NKAIN2: variants seen among roughly 807,000 people sequenced by gnomAD.
NKAIN2 encodes sodium/potassium transporting ATPase interacting 2.
A neutral mutation model predicts 32.6 loss-of-function variants in NKAIN2; 14 were observed. That is an observed-to-expected ratio of 0.43 (90% CI 0.28 to 0.67). The LOEUF is 0.67. Ranked by LOEUF, NKAIN2 falls within the 30% of genes least tolerant of loss-of-function variation. The probability of loss-of-function intolerance (pLI) is 0.17; values close to 1 mark genes in which losing one functional copy is unlikely to be tolerated. For synonymous variants in NKAIN2, 80 were observed against 87.2 expected (o/e 0.92, Z 0.46); for missense variants, 198 against 258.3 (o/e 0.77, Z 1.60).
chr6:124,294,824 T>C (rs1795979561), intron 2 of NKAIN2, among the ~76,000 whole-genome samples: 1 of 152,182 alleles, frequency 6.6e-6, no homozygotes, highest in Non-Finnish European at 1.5e-5. Flanking sequence ...TAAGATGTTA[T>C]CTACACCCCA....
chr6:123,919,642 A>T lies in NKAIN2; in HGVS notation c.54+115388A>T, dbSNP rs77583582. Among the ~76,000 whole-genome samples, 519 of 152,258 alleles carry T rather than the reference A, an allele frequency of 3.4e-3. 3 individuals are homozygous for T. The highest frequency in any genetic ancestry group is 0.012 in the African/African-American group (496 of 41,564). ...AACATTGAAACCTACATGGTGTGTT[A>T]TCTCCTTAAAGGAGATATAGTTTGA... is the stretch of plus-strand genomic sequence containing the variant. On this transcript the variant is annotated intron_variant, in intron 1 of 6. Transcript: ENST00000368417.
chr6:124,590,180 TCTTCCCTTAGGCCCTAAGGCCGTA>T (rs1273308556), intron 3 of NKAIN2, among the ~76,000 whole-genome samples: 2 of 152,184 alleles, frequency 1.3e-5, no homozygotes, highest in Admixed American at 1.3e-4. Flanking sequence ...GCAGTAAGAT[TCTTCCCTTAGGCCCTAAGGCCGTA>T]CTTTAGTGCT....
intron 1 of NKAIN2, among the ~76,000 whole-genome samples, chr6:123,867,862 ATT>A (rs1201240894): frequency 0.016 from 2,079 of 129,132 alleles, 11 homozygotes; most frequent in Non-Finnish European, 0.025. Context: ...TACTGGGTTC[ATT>A]TTTTTTTTTT....
chr6:124,515,187 G>T (rs1653923824), intron 3 of NKAIN2, among the ~76,000 whole-genome samples: 1 of 152,056 alleles, frequency 6.6e-6, no homozygotes, highest in Admixed American at 6.6e-5. Context: ...CATGCCCTCT[G>T]TACTTTAAAT....
intron 1 of NKAIN2, among the ~76,000 whole-genome samples, chr6:123,930,215 A>G (rs1776191160): frequency 6.6e-6 from 1 of 152,190 alleles, no homozygotes; most frequent in Non-Finnish European, 1.5e-5. Flanking sequence ...TTTACTGATA[A>G]TTAAGGGCAA....
chr6:124,187,967 A>G (rs1789825904), intron 1 of NKAIN2, among the ~76,000 whole-genome samples: 2 of 152,150 alleles, frequency 1.3e-5, no homozygotes, highest in African/African-American at 4.8e-5. Context: ...GAAATTGTGT[A>G]TTTTTGCCTG....
intron 2 of NKAIN2, among the ~76,000 whole-genome samples, chr6:124,346,421 G>A (rs200350377): frequency 6.6e-6 from 1 of 152,168 alleles, no homozygotes; most frequent in Non-Finnish European, 1.5e-5. Flanking sequence ...TCTGTCTAAT[G>A]TTGACAGTGG....
chr6:123,931,254 C>T (rs572598506), intron 1 of NKAIN2, among the ~76,000 whole-genome samples: 2 of 152,078 alleles, frequency 1.3e-5, no homozygotes, highest in South Asian at 4.2e-4. Flanking sequence ...TCTTTTCTCT[C>T]TCCTGCTGGT....
intron 3 of NKAIN2, among the ~76,000 whole-genome samples, chr6:124,469,974 T>C (rs1279795687): frequency 6.6e-6 from 1 of 152,114 alleles, no homozygotes; most frequent in Non-Finnish European, 1.5e-5. Flanking sequence ...GTCCTAATGG[T>C]GCAAGGATTA....
intron 3 of NKAIN2, among the ~76,000 whole-genome samples, chr6:124,599,120 C>A (rs534868409): frequency 6.6e-6 from 1 of 150,988 alleles, no homozygotes; most frequent in Non-Finnish European, 1.5e-5. Flanking sequence ...TGCCAAACTG[C>A]GATCTCTTCT....
At chr6:124,152,383 G>A (rs951305501) in intron 1 of NKAIN2, among the ~76,000 whole-genome samples, 2 of 151,916 alleles carry the variant, frequency 1.3e-5, no homozygotes, top group African/African-American at 4.8e-5. Flanking sequence ...ACCTGGTAGT[G>A]TATGTCTTGC....
Position 123,919,971 on chromosome 6 carries a change from C to T in NKAIN2, c.54+115717C>T, listed in dbSNP as rs73551399. Among the ~76,000 whole-genome samples the T allele has an allele frequency of 9.3e-3, 1,408 of 151,960 alleles. 17 individuals are homozygous for T. The highest frequency in any genetic ancestry group is 0.032 in the African/African-American group (1,324 of 41,462). On this transcript the variant is annotated intron_variant, in intron 1 of 6. Transcript: ENST00000368417. ...CAGTTATGCATTTTTCAACTTGCAG[C>T]ATTAAAGAATGTAGAAAATAGAGTA... is the stretch of plus-strand genomic sequence containing the variant.
chr6:124,495,240 G>C (rs1370694505), intron 3 of NKAIN2, among the ~76,000 whole-genome samples: 2 of 152,114 alleles, frequency 1.3e-5, no homozygotes, highest in Non-Finnish European at 2.9e-5. Context: ...TAATTATGCA[G>C]CTTTGATTTC....
At chr6:124,579,884 G>T (rs957156780) in intron 3 of NKAIN2, among the ~76,000 whole-genome samples, 1 of 152,168 alleles carries the variant, frequency 6.6e-6, no homozygotes, top group Non-Finnish European at 1.5e-5. Flanking sequence ...CTGGCAGCAG[G>T]TTTTCAGTGG....
At chr6:124,260,502 T>C (rs893165056) in intron 1 of NKAIN2, among the ~76,000 whole-genome samples, 1 of 151,996 alleles carries the variant, frequency 6.6e-6, no homozygotes, top group Non-Finnish European at 1.5e-5. Context: ...GGATGGAACA[T>C]GTAAAAGCGC....
chr6:124,659,499 T>TTG (rs1405950126), intron 4 of NKAIN2, among the ~76,000 whole-genome samples: 1 of 123,140 alleles, frequency 8.1e-6, no homozygotes. Flanking sequence ...ATGTGTGTGC[T>TTG]TATGTGTGTG....
intron 3 of NKAIN2, among the ~76,000 whole-genome samples, chr6:124,568,199 G>A (rs1780993059): frequency 6.6e-6 from 1 of 152,124 alleles, no homozygotes; most frequent in South Asian, 2.1e-4. Flanking sequence ...AGCACAGAAA[G>A]ATACATAGCA....
chr6:124,693,544 C>T (rs1032200248), intron 4 of NKAIN2, among the ~76,000 whole-genome samples: 3 of 152,078 alleles, frequency 2.0e-5, no homozygotes, highest in East Asian at 1.9e-4. Context: ...TCGAAAAAAG[C>T]CCAGATAATA....
intron 1 of NKAIN2, among the ~76,000 whole-genome samples, chr6:123,903,444 T>A (rs1460753520): frequency 6.6e-6 from 1 of 152,198 alleles, no homozygotes; most frequent in Non-Finnish European, 1.5e-5. Flanking sequence ...ATGGTATGCT[T>A]TATAATATTC....
Sources: allele counts gnomAD v4.1 joint callset (sites outside exome capture counted in the v4.1 genomes callset), GRCh38; gene constraint gnomAD v4.1.1; transcripts MANE v1.5; gene names NCBI Gene and HGNC (gene_info 2026-07-23, HGNC 2026-07-21).